LHFPL6: variants seen among roughly 807,000 people sequenced by gnomAD.
LHFPL6 encodes the protein LHFPL tetraspan subfamily member 6.
LHFPL6 carries 9 observed loss-of-function variants against 20.6 expected under a neutral mutation model. The observed-to-expected ratio is 0.44, with a 90% confidence interval of 0.26 to 0.76. The LOEUF (loss-of-function observed/expected upper bound fraction) is 0.76. LHFPL6 is among the 30% of genes least tolerant of loss of function. LHFPL6 has a pLI of 0.20. For missense variants in LHFPL6, 218 were observed against 253.5 expected, an observed-to-expected ratio of 0.86 and a Z score of 0.95; for synonymous variants, 105 against 98.7, an observed-to-expected ratio of 1.06 and a Z score of -0.38.
intron 2 of LHFPL6, among the ~76,000 whole-genome samples, chr13:39,416,245 A>C (rs1439975103): frequency 6.6e-6 from 1 of 152,164 alleles, no homozygotes; most frequent in Non-Finnish European, 1.5e-5. Flanking sequence ...ATATAAACCC[A>C]AGGAGGGCTG....
chr13:39,534,141 T>G lies in LHFPL6; in HGVS notation c.385+66691A>C, dbSNP rs369908048. Among the ~76,000 whole-genome samples the G allele has an allele frequency of 5.9e-5, 9 of 152,332 alleles. No individual in the cohort carries two copies. In the East Asian group the frequency reaches 1.7e-3, roughly 29 times the overall value. Reference sequence around the variant, plus strand: ...AGAGATAAGTTTTTTACCATGAAACTAACCTTGAGGCAATTTGGCAGTATT... The same window carrying G: ...AGAGATAAGTTTTTTACCATGAAACGAACCTTGAGGCAATTTGGCAGTATT... On this transcript the variant is annotated intron_variant, in intron 2 of 3. Transcript: ENST00000379589.
chr13:39,514,794 G>A (rs1353741676), intron 2 of LHFPL6, among the ~76,000 whole-genome samples: 1 of 152,218 alleles, frequency 6.6e-6, no homozygotes, highest in African/African-American at 2.4e-5. Flanking sequence ...TCTCAAAGTG[G>A]AAGAAGCCAA....
At chr13:39,489,061 A>T (rs745550148) in intron 2 of LHFPL6, among the ~76,000 whole-genome samples, 2 of 152,090 alleles carry the variant, frequency 1.3e-5, no homozygotes, top group African/African-American at 2.4e-5. Context: ...AAGGACTCCC[A>T]TCTCTCCTGT....
chr13:39,362,779 G>C (rs1405159049), intron 3 of LHFPL6, among the ~76,000 whole-genome samples: 1 of 152,106 alleles, frequency 6.6e-6, no homozygotes, highest in Non-Finnish European at 1.5e-5. Context: ...ATACCCAACT[G>C]AGCAAACAAC....
At chr13:39,386,863 TC>T (rs1454626629) in intron 2 of LHFPL6, among the ~76,000 whole-genome samples, 2 of 152,204 alleles carry the variant, frequency 1.3e-5, no homozygotes, top group African/African-American at 4.8e-5. Context: ...TTGAGCTTTT[TC>T]ATCTCTGAAA....
At chr13:39,541,952 A>C (rs949299379) in intron 2 of LHFPL6, among the ~76,000 whole-genome samples, 3 of 151,838 alleles carry the variant, frequency 2.0e-5, no homozygotes, top group African/African-American at 7.3e-5. Flanking sequence ...TTAGCCAGGC[A>C]TGGTGGCAGG....
At chr13:39,413,585 GT>G (rs10549523) in intron 2 of LHFPL6, among the ~76,000 whole-genome samples, 16,979 of 144,422 alleles carry the variant, frequency 0.12, 1,777 homozygotes, top group African/African-American at 0.28. Context: ...CAACCGACTA[GT>G]TTTTTTTTTT....
intron 2 of LHFPL6, among the ~76,000 whole-genome samples, chr13:39,508,164 A>C (rs1349354527): frequency 1.3e-5 from 2 of 151,808 alleles, no homozygotes; most frequent in East Asian, 1.9e-4. Flanking sequence ...AGCTGGGATT[A>C]CAGGTGTGCA....
intron 2 of LHFPL6, among the ~76,000 whole-genome samples, chr13:39,438,463 G>A: frequency 6.6e-6 from 1 of 152,232 alleles, no homozygotes; most frequent in Non-Finnish European, 1.5e-5. Flanking sequence ...GAAAAGAAAA[G>A]CCCATTTTCA....
chr13:39,400,644 G>A (rs4943661), intron 2 of LHFPL6, among the ~76,000 whole-genome samples: 84,350 of 149,776 alleles, frequency 0.56, 25,025 homozygotes, highest in Admixed American at 0.68. Flanking sequence ...TTAGCCGGGC[G>A]TAGTGGCGGG....
chr13:39,367,621 A>T (rs1870045681), intron 3 of LHFPL6, among the ~76,000 whole-genome samples: 1 of 152,170 alleles, frequency 6.6e-6, no homozygotes, highest in African/African-American at 2.4e-5. Context: ...CCCATGTAAG[A>T]CTTCCAAATG....
intron 2 of LHFPL6, among the ~76,000 whole-genome samples, chr13:39,549,172 C>A (rs1471250206): frequency 6.6e-6 from 1 of 152,046 alleles, no homozygotes; most frequent in Non-Finnish European, 1.5e-5. Context: ...CACTGACCAT[C>A]AGGAAAAAAA....
chr13:39,390,570 C>T (rs183682384), intron 2 of LHFPL6, among the ~76,000 whole-genome samples: 11 of 152,118 alleles, frequency 7.2e-5, no homozygotes, highest in South Asian at 2.1e-4. Flanking sequence ...AGGTGAGAGA[C>T]GAAATACTAC....
intron 2 of LHFPL6, among the ~76,000 whole-genome samples, chr13:39,472,379 C>T (rs1408017565): frequency 6.6e-6 from 1 of 152,082 alleles, no homozygotes; most frequent in East Asian, 1.9e-4. Context: ...TCAAGGAAGA[C>T]AACTATAATG....
chr13:39,409,831 A>G (rs1871208248), intron 2 of LHFPL6, among the ~76,000 whole-genome samples: 1 of 152,232 alleles, frequency 6.6e-6, no homozygotes, highest in African/African-American at 2.4e-5. Context: ...TCCAAAATAA[A>G]TTGTTCTGTA....
At chr13:39,527,479 C>T (rs1230361488) in intron 2 of LHFPL6, among the ~76,000 whole-genome samples, 1 of 150,816 alleles carries the variant, frequency 6.6e-6, no homozygotes, top group African/African-American at 2.4e-5. Context: ...TTTGAACAAC[C>T]GACAACATGG....
intron 2 of LHFPL6, among the ~76,000 whole-genome samples, chr13:39,422,170 C>G (rs1438056028): frequency 6.6e-6 from 1 of 152,116 alleles, no homozygotes; most frequent in Non-Finnish European, 1.5e-5. Flanking sequence ...GAGCAAGTAC[C>G]AGGAAATGAC....
chr13:39,513,924 T>C (rs1242292415), intron 2 of LHFPL6, among the ~76,000 whole-genome samples: 1 of 152,152 alleles, frequency 6.6e-6, no homozygotes, highest in Non-Finnish European at 1.5e-5. Flanking sequence ...CTTCTAACTC[T>C]GAGAACCAGT....
intron 2 of LHFPL6, among the ~76,000 whole-genome samples, chr13:39,474,701 C>G (rs1332797343): frequency 2.0e-5 from 3 of 151,842 alleles, no homozygotes; most frequent in African/African-American, 2.4e-5. Flanking sequence ...TTTAATAAGG[C>G]CTTGAGATAA....
Sources: gnomAD v4.1 joint callset for allele counts (sites outside exome capture counted in the v4.1 genomes callset) on GRCh38, gnomAD v4.1.1 for gene constraint, MANE v1.5 for transcripts, NCBI Gene and HGNC (gene_info 2026-07-23, HGNC 2026-07-21) for gene names.